Variants in RAB3C observed in about 807,000 individuals in gnomAD.
RAB3C encodes RAB3C, member RAS oncogene family.
A neutral mutation model predicts 26.4 loss-of-function variants in RAB3C; 17 were observed. The ratio of observed to expected loss-of-function variants is 0.64; its 90% CI spans 0.44 to 0.97. The LOEUF is 0.97. RAB3C is among the 50% of genes least tolerant of loss of function. RAB3C has a pLI of 0.00. For synonymous variants in RAB3C, 91 were observed against 95.9 expected, an observed-to-expected ratio of 0.95 and a Z score of 0.30; for missense variants, 242 against 281.9, an observed-to-expected ratio of 0.86 and a Z score of 1.01.
chr5:58,793,602 C>A (rs1742579761), intron 3 of RAB3C, among the ~76,000 whole-genome samples: 1 of 125,890 alleles, frequency 7.9e-6, no homozygotes, highest in Non-Finnish European at 1.7e-5. Flanking sequence ...TTTGCTTTGG[C>A]AGAGTACAGA....
At chr5:58,815,665 T>C (rs962967416) in intron 3 of RAB3C, 3 of 152,188 alleles carry the variant, frequency 2.0e-5, no homozygotes, top group African/African-American at 4.8e-5. Context: ...GAGTCAGGCA[T>C]TTTTGCCGTA....
chr5:58,850,472 C>A (rs1048726178), intron 4 of RAB3C, among the ~76,000 whole-genome samples: 1 of 152,136 alleles, frequency 6.6e-6, no homozygotes, highest in African/African-American at 2.4e-5. Flanking sequence ...TAAGGTAAAT[C>A]TTATGACTCT....
chr5:58,610,420 T>A (rs193221113), intron 1 of RAB3C, among the ~76,000 whole-genome samples: 1 of 151,306 alleles, frequency 6.6e-6, no homozygotes, highest in East Asian at 1.9e-4. Flanking sequence ...AGGTTTTAAT[T>A]TTTTTTTCTA....
intron 3 of RAB3C, among the ~76,000 whole-genome samples, chr5:58,765,598 T>C (rs1054784376): frequency 3.3e-5 from 5 of 152,226 alleles, no homozygotes; most frequent in Admixed American, 2.0e-4. Context: ...AGCATATTGT[T>C]TTGTAACCTT....
At chr5:58,701,641 A>T (rs1372902777) in intron 2 of RAB3C, among the ~76,000 whole-genome samples, 1 of 152,164 alleles carries the variant, frequency 6.6e-6, no homozygotes, top group African/African-American at 2.4e-5. Flanking sequence ...TCCTTCTGCA[A>T]ACTGTAGGGG....
At chr5:58,844,133 T>C (rs1432909847) in intron 4 of RAB3C, among the ~76,000 whole-genome samples, 3 of 152,066 alleles carry the variant, frequency 2.0e-5, no homozygotes, top group African/African-American at 7.2e-5. Flanking sequence ...GAATGAGGGG[T>C]GTTTGCTTTT....
At chr5:58,641,316 G>C (rs1485707720) in intron 2 of RAB3C, among the ~76,000 whole-genome samples, 1 of 152,208 alleles carries the variant, frequency 6.6e-6, no homozygotes, top group Non-Finnish European at 1.5e-5. Flanking sequence ...TCCTCCTGCT[G>C]TGGCCCACTT....
chr5:58,764,394 AT>A (rs1444029514), intron 3 of RAB3C, among the ~76,000 whole-genome samples: 1 of 152,194 alleles, frequency 6.6e-6, no homozygotes, highest in Non-Finnish European at 1.5e-5. Flanking sequence ...AGGAACCCAC[AT>A]GATCACTTGT....
intron 2 of RAB3C, among the ~76,000 whole-genome samples, chr5:58,657,314 C>T (rs1408735222): frequency 6.6e-6 from 1 of 151,270 alleles, no homozygotes; most frequent in Non-Finnish European, 1.5e-5. Context: ...GATGGGTGCA[C>T]CAAAATCTCA....
rs1169183372 is a variant in RAB3C, at chr5:58,851,325, C to T, written c.658C>T (p.Pro220Ser). Residue 220 changes from proline (P) to serine (S), a missense_variant, in exon 5 of 5, where the codon CCA becomes TCA. By Grantham distance (74) the Pro-to-Ser change is moderately conservative. Transcript: ENST00000282878. Reference protein sequence around the residue: ...QNTRLKETPPPPQPNCAC With the variant: ...QNTRLKETPPSPQPNCAC ...CACGAGACTCAAGGAAACTCCTCCT[C>T]CACCGCAGCCCAACTGTGCCTGCTA... The T allele has an allele frequency of 1.2e-6, 2 of 1,608,458 alleles. No homozygotes were observed. The highest frequency in any genetic ancestry group is 1.7e-6 in the Non-Finnish European group (2 of 1,177,848).
chr5:58,623,885 T>C (rs1746994141), intron 2 of RAB3C, among the ~76,000 whole-genome samples: 1 of 152,166 alleles, frequency 6.6e-6, no homozygotes, highest in Non-Finnish European at 1.5e-5. Flanking sequence ...TGATTCTCAC[T>C]AGGGTTTGAC....
At chr5:58,607,762 C>T (rs1156617445) in intron 1 of RAB3C, among the ~76,000 whole-genome samples, 1 of 152,218 alleles carries the variant, frequency 6.6e-6, no homozygotes, top group Non-Finnish European at 1.5e-5. Flanking sequence ...CAATATTCAA[C>T]ATTCTTAAAG....
At chr5:58,831,666 C>T (rs1743615536) in intron 4 of RAB3C, among the ~76,000 whole-genome samples, 1 of 152,092 alleles carries the variant, frequency 6.6e-6, no homozygotes, top group Non-Finnish European at 1.5e-5. Context: ...ATTTTATTTG[C>T]TTGTTTGTTA....
At chr5:58,608,134 T>A (rs1746611805) in intron 1 of RAB3C, among the ~76,000 whole-genome samples, 1 of 152,164 alleles carries the variant, frequency 6.6e-6, no homozygotes, top group Non-Finnish European at 1.5e-5. Context: ...AGACACAGAC[T>A]GGCAAATTGG....
At chr5:58,638,372 T>G (rs1747331752) in intron 2 of RAB3C, among the ~76,000 whole-genome samples, 1 of 152,178 alleles carries the variant, frequency 6.6e-6, no homozygotes, top group Admixed American at 6.5e-5. Context: ...AATAAGCTTG[T>G]TTTTCCTGAA....
intron 2 of RAB3C, among the ~76,000 whole-genome samples, chr5:58,660,650 G>C (rs1406624637): frequency 6.7e-6 from 1 of 150,304 alleles, no homozygotes; most frequent in Non-Finnish European, 1.5e-5. Context: ...CAACAAGATA[G>C]ACCAACGCTG....
intron 1 of RAB3C, among the ~76,000 whole-genome samples, chr5:58,612,516 GTGTGTATATATATA>G (rs1463063630): frequency 1.7e-3 from 69 of 41,066 alleles, no homozygotes; most frequent in South Asian, 0.01. Context: ...GTGTGTGTGT[GTGTGTATATATATA>G]TATATATATA....
Position 58,657,544 on chromosome 5 carries a change from C to T in RAB3C, c.252+39674C>T, listed in dbSNP as rs372404260. 1.4e-3 allele frequency among the ~76,000 whole-genome samples: 220 copies of T among 152,200 alleles called. 8 individuals carry two copies. In the South Asian group the frequency reaches 0.044, roughly 31 times the overall value. On this transcript the variant is annotated intron_variant, in intron 2 of 4. Coordinates refer to ENST00000282878, the MANE Select transcript of RAB3C (RefSeq NM_138453.4). ...CAATAGCTCTTAGGAGAGAAAAGACCTGGAGTTCTCACAGATCCGCAGGAA... is the reference window on the plus strand; with the variant it reads ...CAATAGCTCTTAGGAGAGAAAAGACTTGGAGTTCTCACAGATCCGCAGGAA...
chr5:58,669,442 G>A (rs546936243), intron 2 of RAB3C, among the ~76,000 whole-genome samples: 1 of 152,052 alleles, frequency 6.6e-6, no homozygotes. Flanking sequence ...AGAGGGATGG[G>A]CTAAGCTTAC....
Sources: allele counts gnomAD v4.1 joint callset (sites outside exome capture counted in the v4.1 genomes callset), GRCh38; gene constraint gnomAD v4.1.1; transcripts MANE v1.5; gene names NCBI Gene and HGNC (gene_info 2026-07-23, HGNC 2026-07-21).